PCDHA1: variants seen among roughly 807,000 people sequenced by gnomAD.
The protein encoded by PCDHA1 is protocadherin alpha 1.
Under a neutral mutation model 61.3 loss-of-function variants are expected in PCDHA1, and 42 were observed. That is an observed-to-expected ratio of 0.69 (90% confidence interval 0.54 to 0.89). PCDHA1 has a LOEUF of 0.89. PCDHA1 is among the 40% of genes least tolerant of loss of function. The pLI is 0.00. For synonymous variants in PCDHA1, 610 were observed against 553.8 expected (o/e 1.10, Z -1.43); for missense variants, 1,256 against 1,235.3 (o/e 1.02, Z -0.25).
At chr5:140,799,185 T>C (rs546106187) in intron 1 of PCDHA1, among the ~76,000 whole-genome samples, 3 of 152,296 alleles carry the variant, frequency 2.0e-5, no homozygotes, top group African/African-American at 7.2e-5. Flanking sequence ...ATACTTTATC[T>C]ACAAAATGGC....
chr5:140,982,611 T>G, intron 3 of PCDHA1, 48 bp downstream of exon 3: 2 of 1,600,048 alleles, frequency 1.2e-6, no homozygotes, highest in South Asian at 2.2e-5. Flanking sequence ...TGGAAAGTGA[T>G]CAGATGACCT....
intron 1 of PCDHA1, chr5:140,830,682 T>C: frequency 3.0e-6 from 1 of 332,166 alleles, no homozygotes; most frequent in Non-Finnish European, 5.1e-6. Flanking sequence ...GAAATCACTG[T>C]CCACAATCTG....
intron 1 of PCDHA1, among the ~76,000 whole-genome samples, chr5:140,973,010 T>C (rs2096567986): frequency 6.6e-6 from 1 of 152,080 alleles, no homozygotes; most frequent in Admixed American, 6.6e-5. Context: ...GGTCGTGGTG[T>C]TGTGATTGTT....
Position 140,797,392 on chromosome 5 carries a change from C to A in PCDHA1, c.2394+8708C>A. The A allele has an allele frequency of 1.9e-6, 3 of 1,578,016 alleles. No homozygotes were observed. The South Asian group carries it at 3.4e-5, about 18-fold the overall frequency. On this transcript the variant is annotated intron_variant, in intron 1 of 3. Transcript: ENST00000504120. ...TTTTCTTGCCAATTCTAAAATTGTT[C>A]TTTTTAAAAAATTCTATATGATTTC...
chr5:140,883,222 A>T lies in PCDHA1; in HGVS notation c.2394+94538A>T, dbSNP rs1164969110. ...TCGAAGAAAAGAAATTATATGAAATATCCGTGGAGGCAGTTGACAAAGGAA... is the reference window on the plus strand; with the variant it reads ...TCGAAGAAAAGAAATTATATGAAATTTCCGTGGAGGCAGTTGACAAAGGAA... On this transcript the variant is annotated intron_variant, in intron 1 of 3. Transcript: ENST00000504120. 8.7e-6 allele frequency: 14 copies of T among 1,613,970 alleles called. No homozygotes were observed. The African/African-American group carries it at 1.7e-4, about 20-fold the overall frequency.
In PCDHA1 at chr5:140,870,085, C is replaced by G. The variant is rs200687541; in HGVS notation, c.2394+81401C>G. The stretch of plus-strand genomic sequence containing the variant: ...ACAGGCTACAGATAAGGGGACTCCC[C>G]CAATGGCAGGTCACTGTACAGTCTG... On this transcript the variant is annotated intron_variant, in intron 1 of 3. Coordinates refer to ENST00000504120, the MANE Select transcript of PCDHA1 (RefSeq NM_018900.4). 11 of 1,613,744 alleles carry G rather than the reference C, an allele frequency of 6.8e-6. No individual in the cohort carries two copies. The African/African-American group carries it at 1.3e-4, about 20-fold the overall frequency.
In PCDHA1 at chr5:140,983,053, C is replaced by T. The variant is rs571565176; in HGVS notation, c.2542+490C>T. 3.3e-5 allele frequency among the ~76,000 whole-genome samples: 5 copies of T among 151,988 alleles called. No homozygotes were observed. In the East Asian group the frequency reaches 5.8e-4, roughly 18 times the overall value. On this transcript the variant is annotated intron_variant, in intron 3 of 3. Transcript: ENST00000504120. ...GTTTCTCATGGAAGTGGAAAATTAT[C>T]GGAACCAAGGCATTGTTTTGAGTTC...
chr5:140,819,748 G>T (rs1211997306), intron 1 of PCDHA1, among the ~76,000 whole-genome samples: 2 of 151,986 alleles, frequency 1.3e-5, no homozygotes, highest in African/African-American at 4.8e-5. Context: ...CAAAAGTCAA[G>T]AGTCTTGTTT....
In PCDHA1 at chr5:140,969,317, G is replaced by T. The variant is rs1554231675; in HGVS notation, c.2395-9632G>T. 3 of 1,614,156 alleles carry T rather than the reference G, an allele frequency of 1.9e-6. No homozygotes were observed. The East Asian group carries it at 6.7e-5, about 36-fold the overall frequency. ...CCTGATTATTCTCAAAAATGAGGCT[G>T]TTTCTCAAAATGAGGTGAGACAGTG... is the stretch of plus-strand genomic sequence containing the variant. On this transcript the variant is annotated intron_variant, in intron 1 of 3. Transcript: ENST00000504120.
intron 1 of PCDHA1, among the ~76,000 whole-genome samples, chr5:140,902,203 C>CTTTTTTTTTT (rs148688132): frequency 8.0e-6 from 1 of 124,460 alleles, no homozygotes; most frequent in Non-Finnish European, 1.7e-5. Flanking sequence ...CTCTCTCTTT[C>CTTTTTTTTTT]TTTTTTTTTT....
At chr5:140,992,807 C>G (rs781970284) in intron 3 of PCDHA1, among the ~76,000 whole-genome samples, 6 of 152,108 alleles carry the variant, frequency 3.9e-5, no homozygotes, top group Non-Finnish European at 4.4e-5. Flanking sequence ...CCATATGTAT[C>G]TAAGGATGTG....
intron 1 of PCDHA1, chr5:140,927,048 G>C: frequency 6.2e-7 from 1 of 1,612,122 alleles, no homozygotes; most frequent in Non-Finnish European, 8.5e-7. Flanking sequence ...CTATGTCCTC[G>C]CGGAACTTTC....
At chr5:140,797,163 G>A (rs146821058) in intron 1 of PCDHA1, 3 of 1,614,050 alleles carry the variant, frequency 1.9e-6, no homozygotes, top group African/African-American at 1.3e-5. Context: ...GTGCGCGCGC[G>A]CCAGGAAAGC....
intron 1 of PCDHA1, among the ~76,000 whole-genome samples, chr5:140,897,050 G>A (rs1269082503): frequency 6.6e-6 from 1 of 152,014 alleles, no homozygotes; most frequent in Non-Finnish European, 1.5e-5. Flanking sequence ...CTATTCTGCT[G>A]TCAAATACTA....
intron 1 of PCDHA1, among the ~76,000 whole-genome samples, chr5:140,936,879 C>A (rs2091197572): frequency 6.6e-6 from 1 of 152,054 alleles, no homozygotes; most frequent in African/African-American, 2.4e-5. Flanking sequence ...AAAAACCCTG[C>A]TTTGATTTTA....
At chr5:140,978,827 G>T (rs2096825118) in intron 1 of PCDHA1, 122 bp from the exon 2 acceptor site, 2 of 1,528,744 alleles carry the variant, frequency 1.3e-6, no homozygotes, top group Admixed American at 2.0e-5. Flanking sequence ...ACATGAAATG[G>T]CTCATTCAAT....
chr5:140,934,040 T>C (rs185239175), intron 1 of PCDHA1, among the ~76,000 whole-genome samples: 230 of 152,238 alleles, frequency 1.5e-3, no homozygotes, highest in African/African-American at 5.3e-3. Flanking sequence ...ATTAATGATA[T>C]TAGTCTTTCC....
rs1305533270 is a variant in PCDHA1, at chr5:141,000,401, A to C, written c.2543-9226A>C. Among the ~76,000 whole-genome samples the C allele has an allele frequency of 8.1e-3, 613 of 75,996 alleles. 4 individuals are homozygous for C. The highest frequency in any genetic ancestry group is 0.017 in the East Asian group (44 of 2,548). The allele number at this position is 75,996 out of a possible 152,430, so 49.9% of individuals were successfully genotyped here. A position where few individuals can be genotyped will look rare whatever the true frequency, so the allele number is the denominator to read the frequency against. On this transcript the variant is annotated intron_variant, in intron 3 of 3. Transcript: ENST00000504120. Reference sequence around the variant, plus strand: ...TCTCTCTCTCTCTCTCTCTCTATATATATATATATATATATATATATTTTT... The same window carrying C: ...TCTCTCTCTCTCTCTCTCTCTATATCTATATATATATATATATATATTTTT...
intron 1 of PCDHA1, among the ~76,000 whole-genome samples, chr5:140,909,427 T>C (rs777444474): frequency 5.8e-4 from 88 of 152,174 alleles, no homozygotes; most frequent in Non-Finnish European, 6.5e-4. Context: ...GTTAAACTTA[T>C]GATAATCCAC....
Sources: gnomAD v4.1 joint callset for allele counts (sites outside exome capture counted in the v4.1 genomes callset) on GRCh38, gnomAD v4.1.1 for gene constraint, MANE v1.5 for transcripts, NCBI Gene and HGNC (gene_info 2026-07-23, HGNC 2026-07-21) for gene names.